LURAP1L: variants seen among roughly 807,000 people sequenced by gnomAD.
LURAP1L encodes leucine rich adaptor protein 1 like, also known as leucine rich adaptor protein 1-like.
In LURAP1L, 12 loss-of-function variants were observed where a neutral mutation model predicts 13.8. That is an observed-to-expected ratio of 0.87 (90% confidence interval 0.56 to 1.41). The LOEUF (loss-of-function observed/expected upper bound fraction) is 1.41, where lower values mean the gene tolerates loss of function less well. Among genes scored for constraint, LURAP1L ranks in the 40% most tolerant of loss-of-function variants. The probability of loss-of-function intolerance (pLI) is 0.00; values close to 1 mark genes in which losing one functional copy is unlikely to be tolerated. For synonymous variants in LURAP1L, 139 were observed against 119.2 expected (o/e 1.17, Z -1.08); for missense variants, 375 against 292.9 (o/e 1.28, Z -2.04).
chr9:12,795,405 A>C (rs535260584), intron 1 of LURAP1L, among the ~76,000 whole-genome samples: 1 of 152,120 alleles, frequency 6.6e-6, no homozygotes, highest in African/African-American at 2.4e-5. Flanking sequence ...TATTAATAAT[A>C]AATTAATTAT....
chr9:12,800,410 G>A (rs1227060430), intron 1 of LURAP1L, among the ~76,000 whole-genome samples: 3 of 151,946 alleles, frequency 2.0e-5, no homozygotes, highest in African/African-American at 7.2e-5. Flanking sequence ...ATCAACCCCA[G>A]TCATCTGAGA....
chr9:12,797,322 C>T (rs1357397677), intron 1 of LURAP1L, among the ~76,000 whole-genome samples: 1 of 152,062 alleles, frequency 6.6e-6, no homozygotes, highest in African/African-American at 2.4e-5. Context: ...GATACTACTG[C>T]TATGGTTGAA....
chr9:12,813,308 A>G (rs1325697316), intron 1 of LURAP1L, among the ~76,000 whole-genome samples: 2 of 152,198 alleles, frequency 1.3e-5, no homozygotes, highest in Admixed American at 1.3e-4. Flanking sequence ...AAGGTAATAA[A>G]TACTCAAAAT....
chr9:12,809,904 T>A (rs1161800121), intron 1 of LURAP1L, among the ~76,000 whole-genome samples: 1 of 152,180 alleles, frequency 6.6e-6, no homozygotes, highest in African/African-American at 2.4e-5. Context: ...CTGCAGTTCT[T>A]TTTGCTGTAA....
At chr9:12,783,913 A>T (rs1419950036) in intron 1 of LURAP1L, among the ~76,000 whole-genome samples, 1 of 150,140 alleles carries the variant, frequency 6.7e-6, no homozygotes, top group Non-Finnish European at 1.5e-5. Flanking sequence ...TTCAATTAGC[A>T]TGTCTTCAAG....
intron 1 of LURAP1L, 22 bp downstream of exon 1, chr9:12,776,049 C>CG: frequency 6.2e-7 from 1 of 1,611,584 alleles, no homozygotes; most frequent in Non-Finnish European, 8.5e-7. Flanking sequence ...GCGCCAGCCG[C>CG]GGGGGCTGGG....
chr9:12,779,266 C>CTTT lies in LURAP1L; in HGVS notation c.312+3263_312+3265dup, dbSNP rs71329885. 2.7e-3 allele frequency among the ~76,000 whole-genome samples: 242 copies of CTTT among 90,290 alleles called. 19 individuals carry two copies. Among genetic ancestry groups the CTTT allele is most frequent in the East Asian group, 4.9e-3 (11 of 2,230 alleles). 59.2% of individuals were successfully genotyped at this position (90,290 alleles called of 152,430 possible). A position where few individuals can be genotyped will look rare whatever the true frequency, so the allele number is the denominator to read the frequency against. On this transcript the variant is annotated intron_variant, in intron 1 of 1. Transcript: ENST00000319264. ...TATTATCCCGTTGAAATCTTATAATCTTTTTTTTTTTTTTTTTTTTTTTTT... is the reference window on the plus strand; with the variant it reads ...TATTATCCCGTTGAAATCTTATAATCTTTTTTTTTTTTTTTTTTTTTTTTTTTT...
Position 12,775,889 on chromosome 9 carries a change from C to A in LURAP1L, c.174C>A (p.Ser58Arg). The change falls in exon 1 of 2, where the codon AGC becomes AGA. Residue 58 changes from serine (S) to arginine (R), a missense_variant. Transcript: ENST00000319264. ...GGGGGGGGCS[S>R]SSSYCSFPPS... ...GCGGCGGCGGCGGCGGCTGCAGTAG[C>A]AGCAGCAGCTACTGCAGCTTCCCTC... 6.4e-7 allele frequency: 1 copy of A among 1,569,964 alleles called. No homozygotes were observed. The highest frequency in any genetic ancestry group is 8.6e-7 in the Non-Finnish European group (1 of 1,157,200).
At chr9:12,804,060 C>T (rs1819622344) in intron 1 of LURAP1L, among the ~76,000 whole-genome samples, 1 of 152,110 alleles carries the variant, frequency 6.6e-6, no homozygotes, top group African/African-American at 2.4e-5. Context: ...TTTATTTAAT[C>T]ATATTTGCAT....
At chr9:12,799,509 A>G (rs1323897514) in intron 1 of LURAP1L, among the ~76,000 whole-genome samples, 1 of 152,218 alleles carries the variant, frequency 6.6e-6, no homozygotes, top group African/African-American at 2.4e-5. Context: ...CAACCAGATC[A>G]TTACTGAAAA....
At chr9:12,788,006 G>A (rs1819381784) in intron 1 of LURAP1L, among the ~76,000 whole-genome samples, 1 of 151,922 alleles carries the variant, frequency 6.6e-6, no homozygotes, top group Non-Finnish European at 1.5e-5. Context: ...CAGCTACTCA[G>A]GAGGCTGAAG....
chr9:12,790,663 C>T (rs1287945618), intron 1 of LURAP1L: 1 of 151,944 alleles, frequency 6.6e-6, no homozygotes, highest in Non-Finnish European at 1.5e-5. Context: ...GGTTGCAGGA[C>T]CTGCTCTTTC....
At chr9:12,809,952 G>A (rs149795186) in intron 1 of LURAP1L, among the ~76,000 whole-genome samples, 12 of 152,224 alleles carry the variant, frequency 7.9e-5, no homozygotes, top group East Asian at 3.9e-4. Flanking sequence ...TGATGTGGTC[G>A]CAAGGTGTGG....
intron 1 of LURAP1L, among the ~76,000 whole-genome samples, chr9:12,798,343 A>G (rs1819537553): frequency 6.6e-6 from 1 of 152,142 alleles, no homozygotes. Flanking sequence ...CTCCTTTTTT[A>G]TGAATATTTC....
chr9:12,805,556 A>G (rs1436164898), intron 1 of LURAP1L, among the ~76,000 whole-genome samples: 2 of 152,140 alleles, frequency 1.3e-5, no homozygotes, highest in East Asian at 3.8e-4. Context: ...TGTTTTCTTT[A>G]TGGATTTAAG....
At chr9:12,784,990 G>A (rs1819329680) in intron 1 of LURAP1L, among the ~76,000 whole-genome samples, 1 of 151,160 alleles carries the variant, frequency 6.6e-6, no homozygotes, top group Non-Finnish European at 1.5e-5. Flanking sequence ...TCTCCTCATG[G>A]CCACCACTGC....
chr9:12,798,612 T>C (rs967700720), intron 1 of LURAP1L, among the ~76,000 whole-genome samples: 6 of 152,198 alleles, frequency 3.9e-5, no homozygotes, highest in Admixed American at 1.3e-4. Context: ...CACCCTCATT[T>C]GTGGTCCTTC....
intron 1 of LURAP1L, among the ~76,000 whole-genome samples, chr9:12,788,550 T>C (rs897630212): frequency 5.3e-5 from 8 of 152,172 alleles, no homozygotes; most frequent in African/African-American, 1.9e-4. Context: ...TTAAGAAAAC[T>C]GCAATGACCT....
chr9:12,778,660 T>C (rs1440459342), intron 1 of LURAP1L, among the ~76,000 whole-genome samples: 2 of 152,218 alleles, frequency 1.3e-5, no homozygotes, highest in Non-Finnish European at 2.9e-5. Context: ...GAGACGATGT[T>C]TCCAAACAAA....
Sources: gnomAD v4.1 joint callset for allele counts (sites outside exome capture counted in the v4.1 genomes callset) on GRCh38, gnomAD v4.1.1 for gene constraint, MANE v1.5 for transcripts, NCBI Gene and HGNC (gene_info 2026-07-23, HGNC 2026-07-21) for gene names.